Variants in RNF212 observed in about 807,000 individuals in gnomAD.
RNF212 encodes ring finger protein 212.
RNF212 carries 33 observed loss-of-function variants against 34.7 expected under a neutral mutation model. That is an observed-to-expected ratio of 0.95 (90% CI 0.72 to 1.27). The LOEUF (loss-of-function observed/expected upper bound fraction) is 1.27. Ranked by LOEUF, RNF212 falls within the 50% of genes most tolerant of loss-of-function variation. RNF212 has a pLI of 0.00. For synonymous variants in RNF212, 140 were observed against 136.1 expected, an observed-to-expected ratio of 1.03 and a Z score of -0.20; for missense variants, 377 against 362.2, an observed-to-expected ratio of 1.04 and a Z score of -0.33.
chr4:1,090,558 C>T (rs914497090), intron 4 of RNF212, among the ~76,000 whole-genome samples: 1 of 152,142 alleles, frequency 6.6e-6, no homozygotes, highest in African/African-American at 2.4e-5. Context: ...GAGGCCCATG[C>T]GGTGCTGCAC....
At chr4:1,093,193 A>C (rs890902044) in intron 3 of RNF212, 1 of 261,258 alleles carries the variant, frequency 3.8e-6, no homozygotes, top group African/African-American at 2.3e-5. Context: ...CTTGGTGCTC[A>C]GAGTTTTGGT....
intron 2 of RNF212, among the ~76,000 whole-genome samples, chr4:1,097,102 C>T (rs1723185015): frequency 6.6e-6 from 1 of 152,110 alleles, no homozygotes; most frequent in Non-Finnish European, 1.5e-5. Flanking sequence ...GGACACGCTC[C>T]CTCCTCAAAA....
intron 9 of RNF212, 87 bp from the exon 10 acceptor site, chr4:1,073,280 C>T: frequency 6.6e-7 from 1 of 1,510,758 alleles, no homozygotes; most frequent in Non-Finnish European, 8.9e-7. Flanking sequence ...GAGGGATTCA[C>T]TTTGAAAAGG....
At chr4:1,056,733 G>A (rs7679432) in intron 4 of RNF212, 474,885 of 610,230 alleles carry the variant, frequency 0.78, 186,180 homozygotes, top group African/African-American at 0.94. Context: ...TCTTGAGAAC[G>A]TTTAGAGCTC....
At chr4:1,093,309 C>CA (rs1437630195) in intron 3 of RNF212, 1 of 940,336 alleles carries the variant, frequency 1.1e-6, no homozygotes. Context: ...AAGACTGAGA[C>CA]AAATCTAAAA....
intron 2 of RNF212, among the ~76,000 whole-genome samples, chr4:1,102,354 AC>A (rs1724116740): frequency 6.6e-6 from 1 of 152,188 alleles, no homozygotes; most frequent in Non-Finnish European, 1.5e-5. Context: ...GCCTTGTAGA[AC>A]CTGCATACAG....
At chr4:1,106,249 T>TACACACACACACAC (rs35166968) in intron 2 of RNF212, among the ~76,000 whole-genome samples, 1 of 145,948 alleles carries the variant, frequency 6.9e-6, no homozygotes. Flanking sequence ...CAATTTTACT[T>TACACACACACACAC]ACACACACAC....
intron 3 of RNF212, among the ~76,000 whole-genome samples, chr4:1,060,404 G>A (rs1717672879): frequency 1.3e-5 from 2 of 152,210 alleles, no homozygotes; most frequent in Non-Finnish European, 2.9e-5. Context: ...GGAGAAAGGG[G>A]CCGCCAGGGA....
intron 3 of RNF212, among the ~76,000 whole-genome samples, chr4:1,064,252 C>T (rs957783211): frequency 6.6e-6 from 1 of 152,080 alleles, no homozygotes; most frequent in Non-Finnish European, 1.5e-5. Flanking sequence ...TGGGAGGAAG[C>T]GGAGCTATAT....
At chr4:1,096,581 G>A (rs1307517273) in intron 3 of RNF212, 184 bp downstream of exon 3, 4 of 634,702 alleles carry the variant, frequency 6.3e-6, no homozygotes, top group Non-Finnish European at 1.1e-5. Flanking sequence ...AACTCCCACA[G>A]CTCCATGGTC....
At chr4:1,094,426 G>A (rs1274978386) in intron 3 of RNF212, among the ~76,000 whole-genome samples, 1 of 152,226 alleles carries the variant, frequency 6.6e-6, no homozygotes, top group Non-Finnish European at 1.5e-5. Flanking sequence ...GGCTTGGAGT[G>A]GAGGCGCGTG....
intron 3 of RNF212, chr4:1,093,547 C>T (rs201016366): frequency 4.3e-5 from 60 of 1,394,342 alleles, no homozygotes; most frequent in East Asian, 5.4e-5. Context: ...GTGACCTCCA[C>T]GGCCCATGCC....
downstream of RNF212, among the ~76,000 whole-genome samples, chr4:1,067,869 A>AC (rs964265861): frequency 3.4e-5 from 5 of 147,768 alleles, no homozygotes; most frequent in African/African-American, 1.2e-4. Flanking sequence ...CTCTGTCTCA[A>AC]AAAAAAAAAA....
At chr4:1,070,212 G>C (rs1718365577), downstream of RNF212, among the ~76,000 whole-genome samples, 1 of 149,934 alleles carries the variant, frequency 6.7e-6, no homozygotes, top group African/African-American at 2.5e-5. Context: ...GCTGTGCTGT[G>C]TCAGCGTGGG....
At chr4:1,061,681 C>T (rs191150116) in intron 3 of RNF212, among the ~76,000 whole-genome samples, 1 of 152,060 alleles carries the variant, frequency 6.6e-6, no homozygotes, top group Non-Finnish European at 1.5e-5. Context: ...GACAGGCGGA[C>T]ACCCCGGGAC....
intron 3 of RNF212, chr4:1,094,117 G>A: frequency 7.5e-7 from 1 of 1,336,990 alleles, no homozygotes; most frequent in South Asian, 1.5e-5. Context: ...CCATGAAGGA[G>A]AGTGCCATGC....
intron 3 of RNF212, among the ~76,000 whole-genome samples, chr4:1,092,494 G>A (rs532998167): frequency 2.0e-5 from 3 of 148,114 alleles, no homozygotes; most frequent in Non-Finnish European, 4.4e-5. Flanking sequence ...GCCTCATGCC[G>A]CCTCCGTGGT....
At chr4:1,093,405 T>C (rs1007988123) in intron 3 of RNF212, 140 of 1,412,956 alleles carry the variant, frequency 9.9e-5, no homozygotes, top group Middle Eastern at 1.8e-4. Flanking sequence ...GTTACGTTGA[T>C]ATTAGAGCAT....
In RNF212 at chr4:1,111,531, C is replaced by G. The variant is rs185621175; in HGVS notation, c.109+1825G>C. 3.3e-4 allele frequency among the ~76,000 whole-genome samples: 51 copies of G among 152,264 alleles called. 2 individuals are homozygous for G. The East Asian group carries it at 9.4e-3, about 28-fold the overall frequency. ...GTTTTGTCTAGCAGTGAAACCCTGT[C>G]CAGTTCTCTAGCCCTTGTCTCCGAC... On this transcript the variant is annotated intron_variant, in intron 1 of 9. Transcript: ENST00000433731.
Sources: gnomAD v4.1 joint callset for allele counts (sites outside exome capture counted in the v4.1 genomes callset) on GRCh38, gnomAD v4.1.1 for gene constraint, MANE v1.5 for transcripts, NCBI Gene and HGNC (gene_info 2026-07-23, HGNC 2026-07-21) for gene names.